CCDC146: variants seen among roughly 807,000 people sequenced by gnomAD.
The protein encoded by CCDC146 is coiled-coil domain-containing protein 146.
CCDC146 carries 92 observed loss-of-function variants against 119.3 expected under a neutral mutation model. The observed-to-expected ratio is 0.77, with a 90% CI of 0.65 to 0.92. CCDC146 has a LOEUF of 0.92. Among genes scored for constraint, CCDC146 ranks in the 40% least tolerant of loss-of-function variants. CCDC146 has a pLI of 0.00. For synonymous variants in CCDC146, 372 were observed against 371.8 expected (o/e 1.00, Z -0.01); for missense variants, 1,000 against 1,103.0 (o/e 0.91, Z 1.32).
chr7:77,286,925 A>T lies in CCDC146; in HGVS notation c.2276A>T (p.Lys759Met), dbSNP rs753308700. Reference sequence around the variant, plus strand: ...AAAGAAATGATCCAAAAATTAGACAAGGTAAACATTATTGCTTAAAATTGC... The same window carrying T: ...AAAGAAATGATCCAAAAATTAGACATGGTAAACATTATTGCTTAAAATTGC... ...TEKEMIQKLD[K>M]LELQLAKKEE... is the part of the protein sequence containing the mutation. The change falls in exon 16 of 19, where the codon AAG becomes ATG. Residue 759 changes from lysine to methionine, a missense_variant and splice_region_variant. Coordinates refer to ENST00000285871, the MANE Select transcript of CCDC146 (RefSeq NM_020879.3). 1 of 1,613,982 alleles carries T rather than the reference A, an allele frequency of 6.2e-7. No homozygotes were observed. The highest frequency in any genetic ancestry group is 1.3e-5 in the African/African-American group (1 of 74,930).
intron 9 of CCDC146, among the ~76,000 whole-genome samples, chr7:77,263,977 C>G (rs190618019): frequency 2.6e-5 from 4 of 152,252 alleles, no homozygotes; most frequent in African/African-American, 9.6e-5. Flanking sequence ...CTTTTATAGT[C>G]TTTTGCAAAA....
intron 9 of CCDC146, among the ~76,000 whole-genome samples, chr7:77,263,482 G>A (rs528492506): frequency 2.6e-5 from 4 of 152,316 alleles, no homozygotes; most frequent in Non-Finnish European, 4.4e-5. Flanking sequence ...TTTGGAGGTC[G>A]TTTATTTCTG....
chr7:77,188,390 C>A (rs1408507438), intron 2 of CCDC146, among the ~76,000 whole-genome samples: 2 of 152,084 alleles, frequency 1.3e-5, no homozygotes, highest in Non-Finnish European at 2.9e-5. Context: ...AGTCTCTGCC[C>A]AACTAAAGGT....
chr7:77,273,974 A>G (rs964114685), intron 10 of CCDC146, among the ~76,000 whole-genome samples, 185 bp downstream of exon 10: 1 of 152,246 alleles, frequency 6.6e-6, no homozygotes, highest in African/African-American at 2.4e-5. Flanking sequence ...GAGAAAAAAG[A>G]ATATGTTTGA....
intron 2 of CCDC146, among the ~76,000 whole-genome samples, chr7:77,174,955 C>T (rs745559934): frequency 3.3e-5 from 5 of 152,154 alleles, no homozygotes; most frequent in East Asian, 1.9e-4. Context: ...TTTCCAAAGA[C>T]GTTGAACCAG....
chr7:77,154,807 C>A (rs1041925917), intron 1 of CCDC146, among the ~76,000 whole-genome samples: 5 of 152,030 alleles, frequency 3.3e-5, no homozygotes, highest in Non-Finnish European at 5.9e-5. Context: ...ATAATCCTTT[C>A]AGTATATACC....
chr7:77,285,299 A>G (rs1793829181), intron 15 of CCDC146, among the ~76,000 whole-genome samples: 1 of 152,246 alleles, frequency 6.6e-6, no homozygotes, highest in Non-Finnish European at 1.5e-5. Flanking sequence ...TTCCTAATTA[A>G]GAAAAGGGAA....
chr7:77,211,547 T>C (rs1202687745), intron 2 of CCDC146, among the ~76,000 whole-genome samples: 2 of 152,164 alleles, frequency 1.3e-5, no homozygotes, highest in Non-Finnish European at 2.9e-5. Context: ...GAAGGGTTAT[T>C]CACCAAGAAA....
At position 77,287,206 on chromosome 7, in the gene CCDC146, A is replaced by T. The variant is rs1793863584; in HGVS notation, c.2278-234A>T. 6.7e-6 allele frequency: 4 copies of T among 595,696 alleles called. No homozygotes were observed. In the South Asian group the frequency reaches 8.4e-5, roughly 12 times the overall value. 36.9% of individuals were successfully genotyped at this position (595,696 alleles called of 1,614,324 possible). ...TTAAATGGATTAATTTGTCTTCCTGATGGGAGCACATCAGAAGAATGGTGA... is the reference window on the plus strand; with the variant it reads ...TTAAATGGATTAATTTGTCTTCCTGTTGGGAGCACATCAGAAGAATGGTGA... On this transcript the variant is annotated intron_variant, in intron 16 of 18. Coordinates refer to ENST00000285871, the MANE Select transcript of CCDC146 (RefSeq NM_020879.3).
intron 14 of CCDC146, chr7:77,282,326 G>GC: frequency 2.3e-6 from 1 of 434,072 alleles, no homozygotes; most frequent in Non-Finnish European, 4.1e-6. Flanking sequence ...ATTGTGGCTA[G>GC]CCAACCACAT....
chr7:77,142,715 T>A (rs1452404079), intron 1 of CCDC146, among the ~76,000 whole-genome samples: 1 of 150,564 alleles, frequency 6.6e-6, no homozygotes, highest in Non-Finnish European at 1.5e-5. Context: ...GTTTCCAGCT[T>A]CATCCATGTC....
At chr7:77,128,228 G>A (rs939727812) in intron 1 of CCDC146, among the ~76,000 whole-genome samples, 4 of 151,002 alleles carry the variant, frequency 2.6e-5, no homozygotes, top group Admixed American at 1.3e-4. Flanking sequence ...CATCTTCAGC[G>A]GGAGTTCTCT....
intron 5 of CCDC146, among the ~76,000 whole-genome samples, chr7:77,255,035 C>G (rs191734538): frequency 1.3e-5 from 2 of 152,040 alleles, no homozygotes; most frequent in African/African-American, 4.8e-5. Flanking sequence ...CTGAGCTGGC[C>G]GAATTGGGGC....
intron 1 of CCDC146, among the ~76,000 whole-genome samples, chr7:77,158,905 A>G (rs992035426): frequency 3.9e-5 from 6 of 152,102 alleles, no homozygotes; most frequent in African/African-American, 1.4e-4. Context: ...TTTTTGTTTT[A>G]ATTCACACAG....
At chr7:77,253,638 G>A (rs1235710860) in intron 4 of CCDC146, among the ~76,000 whole-genome samples, 98 of 152,196 alleles carry the variant, frequency 6.4e-4, no homozygotes, top group Non-Finnish European at 5.9e-5. Context: ...ATGATGCAGT[G>A]GTAAACTGGG....
chr7:77,293,216 T>A lies in CCDC146; in HGVS notation c.2664+16T>A. 6.2e-7 allele frequency: 1 copy of A among 1,611,228 alleles called. No homozygotes were observed. The highest frequency in any genetic ancestry group is 8.5e-7 in the Non-Finnish European group (1 of 1,179,106). ...AAAGTCTCAGGTAGGCTTTGGCTCC[T>A]GTATTGCATTTCTAAAGGGTGCCAG... On this transcript the variant is annotated intron_variant, in intron 18 of 18. Coordinates refer to ENST00000285871, the MANE Select transcript of CCDC146 (RefSeq NM_020879.3).
chr7:77,286,145 A>G (rs1313219170), intron 15 of CCDC146, among the ~76,000 whole-genome samples: 1 of 152,216 alleles, frequency 6.6e-6, no homozygotes, highest in East Asian at 1.9e-4. Context: ...ATGTGCCAGC[A>G]TCTGCATCTG....
chr7:77,137,798 G>A (rs1790879738), intron 1 of CCDC146, among the ~76,000 whole-genome samples: 1 of 151,960 alleles, frequency 6.6e-6, no homozygotes, highest in Non-Finnish European at 1.5e-5. Context: ...ACCCAATATT[G>A]AAGGAGAAGA....
chr7:77,123,163 A>T (rs1398005129), intron 1 of CCDC146, among the ~76,000 whole-genome samples: 1 of 150,998 alleles, frequency 6.6e-6, no homozygotes, highest in Non-Finnish European at 1.5e-5. Context: ...AGTTACCAAG[A>T]AAATTATGAG....
Sources: gnomAD v4.1 joint callset for allele counts (sites outside exome capture counted in the v4.1 genomes callset) on GRCh38, gnomAD v4.1.1 for gene constraint, MANE v1.5 for transcripts, NCBI Gene and HGNC (gene_info 2026-07-23, HGNC 2026-07-21) for gene names.